Variants in PPEF1 observed in about 807,000 individuals in gnomAD.
PPEF1 encodes serine/threonine-protein phosphatase with EF-hands 1.
A neutral mutation model predicts 53.3 loss-of-function variants in PPEF1; 12 were observed. That is an observed-to-expected ratio of 0.23 (90% CI 0.14 to 0.36). The LOEUF (loss-of-function observed/expected upper bound fraction) is 0.36. Ranked by LOEUF, PPEF1 falls within the 10% of genes least tolerant of loss-of-function variation. The probability of loss-of-function intolerance (pLI) is 1.00; values close to 1 mark genes in which losing one functional copy is unlikely to be tolerated. For synonymous variants in PPEF1, 165 were observed against 176.7 expected, an observed-to-expected ratio of 0.93 and a Z score of 0.52; for missense variants, 334 against 490.4, an observed-to-expected ratio of 0.68 and a Z score of 3.01.
chrX:18,784,517 C>T (rs1275700134), intron 9 of PPEF1, among the ~76,000 whole-genome samples: 2 of 109,620 alleles, frequency 1.8e-5, no homozygotes, highest in Admixed American at 9.9e-5. Context: ...CATCCCAGAC[C>T]GAAACTCTGG....
intron 3 of PPEF1, among the ~76,000 whole-genome samples, chrX:18,689,170 G>A (rs745787034): frequency 9.0e-6 from 1 of 110,527 alleles, no homozygotes; most frequent in East Asian, 2.9e-4. Flanking sequence ...CATTCCAATG[G>A]TTGGGCGGGG....
chrX:18,692,877 A>G (rs1929486075), intron 4 of PPEF1, among the ~76,000 whole-genome samples: 1 of 111,395 alleles, frequency 9.0e-6, no homozygotes, highest in Non-Finnish European at 1.9e-5. Context: ...TTTTTTTCAC[A>G]TTTTAGCAGC....
At chrX:18,754,368 C>A (rs1179436693) in intron 4 of PPEF1, among the ~76,000 whole-genome samples, 1 of 110,996 alleles carries the variant, frequency 9.0e-6, no homozygotes, top group Non-Finnish European at 1.9e-5. Context: ...TCTGACATCA[C>A]CCCAGTACCC....
intron 3 of PPEF1, among the ~76,000 whole-genome samples, chrX:18,686,547 G>A (rs138104862): frequency 1.8e-3 from 204 of 111,462 alleles, no homozygotes; most frequent in Non-Finnish European, 3.3e-3. Context: ...TGCTTGGGGA[G>A]TGGGCTCGGA....
chrX:18,679,590 A>G (rs1928801217), upstream of PPEF1, among the ~76,000 whole-genome samples: 1 of 111,734 alleles, frequency 8.9e-6, no homozygotes, highest in African/African-American at 3.3e-5. Flanking sequence ...TTTTGCCTGG[A>G]TCATAGCCAG....
intron 4 of PPEF1, among the ~76,000 whole-genome samples, chrX:18,693,986 C>T (rs761102117): frequency 5.4e-5 from 6 of 111,728 alleles, no homozygotes; most frequent in Non-Finnish European, 9.4e-5. Flanking sequence ...CCTCCCTCAC[C>T]CATAAACCCC....
At chrX:18,679,599 A>C (rs1485627206), upstream of PPEF1, among the ~76,000 whole-genome samples, 2 of 111,892 alleles carry the variant, frequency 1.8e-5, no homozygotes, top group African/African-American at 6.5e-5. Flanking sequence ...GATCATAGCC[A>C]GTAGCCTCAG....
intron 1 of PPEF1, among the ~76,000 whole-genome samples, chrX:18,683,440 G>A (rs953210469): frequency 8.9e-6 from 1 of 111,738 alleles, no homozygotes; most frequent in African/African-American, 3.3e-5. Context: ...AGTGCTTGCT[G>A]TGTATTAGGG....
intron 4 of PPEF1, among the ~76,000 whole-genome samples, chrX:18,696,986 C>T (rs901517312): frequency 1.8e-5 from 2 of 112,465 alleles, no homozygotes; most frequent in African/African-American, 6.5e-5. Context: ...ATGGGAGCTG[C>T]CCATTAGAAC....
At chrX:18,803,704 A>G (rs1385240636) in intron 10 of PPEF1, among the ~76,000 whole-genome samples, 188 bp from the exon 11 acceptor site, 1 of 111,609 alleles carries the variant, frequency 9.0e-6, no homozygotes, top group East Asian at 2.8e-4. Context: ...CACTCCTCCC[A>G]CCTCAGCCAC....
chrX:18,755,259 C>A (rs2045523535), intron 4 of PPEF1, among the ~76,000 whole-genome samples: 1 of 111,099 alleles, frequency 9.0e-6, no homozygotes, highest in South Asian at 3.8e-4. Context: ...TAAAAGTGAT[C>A]ATTTAAATCA....
chrX:18,780,929 G>A (rs994430403), intron 7 of PPEF1, among the ~76,000 whole-genome samples: 5 of 109,669 alleles, frequency 4.6e-5, no homozygotes, highest in South Asian at 4.0e-4. Flanking sequence ...AGTGGCGGGC[G>A]CCTGTAGTCC....
At chrX:18,715,216 C>G (rs1408092309) in intron 1 of PPEF1, among the ~76,000 whole-genome samples, 3 of 108,776 alleles carry the variant, frequency 2.8e-5, no homozygotes, top group Non-Finnish European at 5.7e-5. Context: ...AGGACCACCA[C>G]TGAGTGAGAC....
At chrX:18,781,662 C>G (rs1011393358) in intron 7 of PPEF1, among the ~76,000 whole-genome samples, 5 of 111,548 alleles carry the variant, frequency 4.5e-5, no homozygotes, top group Non-Finnish European at 9.4e-5. Flanking sequence ...ACTGTAGAAG[C>G]CTGATGTGAC....
At chrX:18,720,550 C>T (rs1195072152) in intron 1 of PPEF1, among the ~76,000 whole-genome samples, 5 of 110,579 alleles carry the variant, frequency 4.5e-5, no homozygotes, top group African/African-American at 1.3e-4. Context: ...CAAGATCGCG[C>T]CACTGCACTC....
intron 14 of PPEF1, among the ~76,000 whole-genome samples, chrX:18,825,477 G>C (rs1234818052): frequency 1.8e-5 from 2 of 111,962 alleles, no homozygotes; most frequent in Non-Finnish European, 3.8e-5. Flanking sequence ...GTTCATTCTT[G>C]TTGTAGAGGA....
intron 8 of PPEF1, among the ~76,000 whole-genome samples, chrX:18,783,436 G>T (rs968819971): frequency 1.3e-4 from 14 of 111,023 alleles, no homozygotes; most frequent in Admixed American, 3.8e-4. Context: ...CAGAATAAAG[G>T]GCCAGGCATA....
chrX:18,715,812 A>G (rs1205089857), intron 1 of PPEF1, among the ~76,000 whole-genome samples: 1 of 111,940 alleles, frequency 8.9e-6, no homozygotes, highest in African/African-American at 3.2e-5. Flanking sequence ...CTGATATGCT[A>G]CCCTGACTTG....
chrX:18,788,537 G>A (rs1200995924), intron 9 of PPEF1, among the ~76,000 whole-genome samples: 2 of 110,814 alleles, frequency 1.8e-5, no homozygotes. Flanking sequence ...CCAAAGAAAC[G>A]CAGCAGTTTT....
Sources: allele counts gnomAD v4.1 joint callset (sites outside exome capture counted in the v4.1 genomes callset), GRCh38; gene constraint gnomAD v4.1.1; transcripts MANE v1.5; gene names NCBI Gene and HGNC (gene_info 2026-07-23, HGNC 2026-07-21).